Variants in GRM7 observed in about 807,000 individuals in gnomAD.
The protein encoded by GRM7 is glutamate metabotropic receptor 7.
GRM7 carries 35 observed loss-of-function variants against 84.5 expected under a neutral mutation model. The ratio of observed to expected loss-of-function variants is 0.41; its 90% confidence interval spans 0.32 to 0.55. The LOEUF (loss-of-function observed/expected upper bound fraction) is 0.55, where lower values mean the gene tolerates loss of function less well. Ranked by LOEUF, GRM7 falls within the 20% of genes least tolerant of loss-of-function variation. GRM7 has a pLI of 0.19. For synonymous variants in GRM7, 487 were observed against 455.1 expected (o/e 1.07, Z -0.89); for missense variants, 1,003 against 1,194.6 (o/e 0.84, Z 2.36).
chr3:7,281,634 C>T (rs1407980605), intron 2 of GRM7, among the ~76,000 whole-genome samples: 1 of 152,122 alleles, frequency 6.6e-6, no homozygotes, highest in Non-Finnish European at 1.5e-5. Flanking sequence ...TAAACATCAA[C>T]AGTGATATAT....
In GRM7 at chr3:7,574,583, C is replaced by T. The variant is rs112941911; in HGVS notation, c.1516-3839C>T. ...TACAAAATAGAGTCACGTGTCAAAA[C>T]GCTAACCAAAATAGAGTTAGTGAGG... On this transcript the variant is annotated intron_variant, in intron 7 of 9. Transcript: ENST00000357716. Among the ~76,000 whole-genome samples the T allele has an allele frequency of 3.7e-3, 563 of 152,294 alleles. 3 individuals carry two copies. Among genetic ancestry groups the T allele is most frequent in the African/African-American group, 0.012 (516 of 41,574 alleles).
chr3:7,531,957 T>C (rs943597138), intron 7 of GRM7, among the ~76,000 whole-genome samples: 40 of 152,156 alleles, frequency 2.6e-4, no homozygotes, highest in African/African-American at 9.7e-4. Context: ...AAATAGCTCT[T>C]ATTATTTTGA....
intron 9 of GRM7, among the ~76,000 whole-genome samples, chr3:7,696,935 G>T (rs1027679194): frequency 1.3e-5 from 2 of 152,124 alleles, no homozygotes; most frequent in African/African-American, 4.8e-5. Context: ...GCCAGCAAAA[G>T]ATATTTAATC....
chr3:7,071,079 C>G (rs1324008688), intron 1 of GRM7, among the ~76,000 whole-genome samples: 2 of 152,062 alleles, frequency 1.3e-5, no homozygotes, highest in African/African-American at 4.8e-5. Context: ...AGCTCAGCCT[C>G]CCTTTCTGAG....
intron 1 of GRM7, among the ~76,000 whole-genome samples, chr3:6,948,535 A>AT (rs1308832816): frequency 6.6e-6 from 1 of 152,134 alleles, no homozygotes; most frequent in Non-Finnish European, 1.5e-5. Flanking sequence ...TATTCTGTTG[A>AT]TTTGGGGTGG....
chr3:7,405,950 TGTA>T, intron 4 of GRM7, among the ~76,000 whole-genome samples: 1 of 151,868 alleles, frequency 6.6e-6, no homozygotes, highest in East Asian at 1.9e-4. Context: ...TATTAGATAA[TGTA>T]GTGAATATTA....
At chr3:7,192,645 C>T (rs982234314) in intron 2 of GRM7, among the ~76,000 whole-genome samples, 1 of 152,252 alleles carries the variant, frequency 6.6e-6, no homozygotes. Flanking sequence ...ATTTGTCCCT[C>T]TATCTTGGCT....
intron 8 of GRM7, among the ~76,000 whole-genome samples, chr3:7,604,240 T>C (rs1290838178): frequency 6.6e-6 from 1 of 152,170 alleles, no homozygotes; most frequent in Non-Finnish European, 1.5e-5. Flanking sequence ...AAAAAGGTTA[T>C]TTGTGATCAT....
intron 9 of GRM7, among the ~76,000 whole-genome samples, chr3:7,734,439 C>T (rs889080930): frequency 2.0e-5 from 3 of 152,108 alleles, no homozygotes; most frequent in African/African-American, 7.2e-5. Flanking sequence ...CTTACAGATT[C>T]CCATGTCTGC....
intron 1 of GRM7, among the ~76,000 whole-genome samples, chr3:6,966,395 C>T (rs915390039): frequency 6.6e-6 from 1 of 152,168 alleles, no homozygotes; most frequent in Admixed American, 6.5e-5. Context: ...CTGAGATCTT[C>T]TAAGCTGAGG....
chr3:7,035,009 G>A (rs1035685029), intron 1 of GRM7, among the ~76,000 whole-genome samples: 5 of 152,132 alleles, frequency 3.3e-5, no homozygotes, highest in Non-Finnish European at 4.4e-5. Flanking sequence ...ACCTTTTCTA[G>A]GTTCTTGGGG....
chr3:6,954,138 A>G (rs2125072982), intron 1 of GRM7, among the ~76,000 whole-genome samples: 1 of 152,302 alleles, frequency 6.6e-6, no homozygotes, highest in South Asian at 2.1e-4. Context: ...ATATATGCAT[A>G]TTTGTTCTAT....
At chr3:7,477,759 C>A (rs932180635) in intron 7 of GRM7, among the ~76,000 whole-genome samples, 1 of 152,122 alleles carries the variant, frequency 6.6e-6, no homozygotes, top group African/African-American at 2.4e-5. Context: ...CTAGCCATTT[C>A]TCATGGGATT....
chr3:6,979,941 A>C (rs1694133865), intron 1 of GRM7, among the ~76,000 whole-genome samples: 2 of 152,144 alleles, frequency 1.3e-5, no homozygotes, highest in South Asian at 4.1e-4. Flanking sequence ...GTGAGGGGTA[A>C]CATTCTACTT....
chr3:7,197,582 A>G (rs1241546009), intron 2 of GRM7, among the ~76,000 whole-genome samples: 2 of 152,006 alleles, frequency 1.3e-5, no homozygotes, highest in Admixed American at 6.6e-5. Flanking sequence ...CCTCTGTTCA[A>G]TTGTTTTTCT....
chr3:7,534,915 G>A (rs995634423), intron 7 of GRM7, among the ~76,000 whole-genome samples: 1 of 152,112 alleles, frequency 6.6e-6, no homozygotes, highest in Non-Finnish European at 1.5e-5. Flanking sequence ...TCTGGGGGGT[G>A]GTTGATTCCA....
intron 2 of GRM7, among the ~76,000 whole-genome samples, chr3:7,260,663 T>A (rs9809928): frequency 0.87 from 130,702 of 150,808 alleles, 56,732 homozygotes; most frequent in East Asian, 0.97. Flanking sequence ...GGATTTGTTG[T>A]TCTTTTGAAT....
chr3:7,168,934 G>A (rs1203082380), intron 2 of GRM7, among the ~76,000 whole-genome samples: 1 of 152,146 alleles, frequency 6.6e-6, no homozygotes, highest in Non-Finnish European at 1.5e-5. Flanking sequence ...AATGAGAACA[G>A]ACCAGAAAAG....
In GRM7 at chr3:7,397,028, A is replaced by G. The variant is rs73809099; in HGVS notation, c.1034-17995A>G. Among the ~76,000 whole-genome samples the G allele has an allele frequency of 2.3e-3, 348 of 152,176 alleles. 1 individual carries two copies. The highest frequency in any genetic ancestry group is 7.9e-3 in the African/African-American group (329 of 41,520). ...GACCCATTCTGTGCCCATGGGTTCCATTTTCCTACTACTCACATGTGCATT... is the reference window on the plus strand; with the variant it reads ...GACCCATTCTGTGCCCATGGGTTCCGTTTTCCTACTACTCACATGTGCATT... On this transcript the variant is annotated intron_variant, in intron 4 of 9. Transcript: ENST00000357716.
Sources: gnomAD v4.1 joint callset for allele counts (sites outside exome capture counted in the v4.1 genomes callset) on GRCh38, gnomAD v4.1.1 for gene constraint, MANE v1.5 for transcripts, NCBI Gene and HGNC (gene_info 2026-07-23, HGNC 2026-07-21) for gene names.